FRMD6: variants seen among roughly 807,000 people sequenced by gnomAD.
The protein encoded by FRMD6 is FERM domain-containing protein 6.
FRMD6 carries 37 observed loss-of-function variants against 73.2 expected under a neutral mutation model. That is an observed-to-expected ratio of 0.51 (90% CI 0.39 to 0.66). The LOEUF is 0.66. FRMD6 is among the 30% of genes least tolerant of loss of function. The pLI is 0.00. For missense variants in FRMD6, 714 were observed against 780.5 expected (o/e 0.91, Z 1.02); for synonymous variants, 273 against 282.2 (o/e 0.97, Z 0.33).
chr14:51,490,884 A>G lies in FRMD6; in HGVS notation c.-210+1464A>G, dbSNP rs1298448201. On this transcript the variant is annotated intron_variant, in intron 1 of 14. Coordinates refer to the FRMD6 transcript ENST00000356218. The stretch of plus-strand genomic sequence containing the variant: ...CTGGGCTCAAGCTTCCTTAAAATCC[A>G]GTTCTCCAAGGCCAAGAATAGTGAG... Among the ~76,000 whole-genome samples, 5 of 152,270 alleles carry G rather than the reference A, an allele frequency of 3.3e-5. No individual in the cohort carries two copies. The South Asian group carries it at 1.0e-3, about 32-fold the overall frequency.
At chr14:51,646,871 A>G (rs572961413) in intron 2 of FRMD6, among the ~76,000 whole-genome samples, 1 of 151,988 alleles carries the variant, frequency 6.6e-6, no homozygotes, top group African/African-American at 2.4e-5. Context: ...TATGCCTTTC[A>G]ACTCCAAGAC....
chr14:51,487,356 G>A (rs1027596555), upstream of FRMD6, among the ~76,000 whole-genome samples: 2 of 152,148 alleles, frequency 1.3e-5, no homozygotes, highest in African/African-American at 4.8e-5. Flanking sequence ...ACAAATTATA[G>A]GTACTGGAAA....
intron 2 of FRMD6, among the ~76,000 whole-genome samples, chr14:51,600,813 G>T (rs1201532213): frequency 6.6e-6 from 1 of 152,184 alleles, no homozygotes; most frequent in Non-Finnish European, 1.5e-5. Context: ...ATCAAACCCT[G>T]GCCATTGCCA....
At chr14:51,473,095 A>G in the FRMD6 span, among the ~76,000 whole-genome samples, 3 of 152,232 alleles carry the variant, frequency 2.0e-5, no homozygotes, top group South Asian at 4.1e-4. Context: ...AGCACTGGGA[A>G]TAAAGTGAGA....
chr14:51,426,302 C>G, the FRMD6 span, among the ~76,000 whole-genome samples: 39,050 of 151,958 alleles, frequency 0.26, 5,633 homozygotes, highest in Non-Finnish European at 0.32. Flanking sequence ...CACCTAGTCA[C>G]GTGGTGTCTC....
At chr14:51,527,440 C>G (rs935645985) in intron 1 of FRMD6, among the ~76,000 whole-genome samples, 1 of 152,106 alleles carries the variant, frequency 6.6e-6, no homozygotes, top group African/African-American at 2.4e-5. Flanking sequence ...TACCATTAGG[C>G]AAGTTAGTAA....
intron 2 of FRMD6, among the ~76,000 whole-genome samples, chr14:51,631,910 A>G (rs1891352254): frequency 6.6e-6 from 1 of 152,256 alleles, no homozygotes; most frequent in Admixed American, 6.5e-5. Flanking sequence ...CAGTAATAAC[A>G]TTAGCATAGA....
chr14:51,632,431 A>G (rs902882966), intron 2 of FRMD6, among the ~76,000 whole-genome samples: 1 of 152,236 alleles, frequency 6.6e-6, no homozygotes, highest in Admixed American at 6.5e-5. Flanking sequence ...TTAATACAGT[A>G]TATTCAATGT....
At chr14:51,409,610 AT>A in the FRMD6 span, among the ~76,000 whole-genome samples, 1 of 152,000 alleles carries the variant, frequency 6.6e-6, no homozygotes, top group East Asian at 1.9e-4. Flanking sequence ...TATTGTTATT[AT>A]TTTTTGACAC....
At chr14:51,701,228 A>T (rs907052679) in intron 4 of FRMD6, 69 bp downstream of exon 4, 3 of 864,234 alleles carry the variant, frequency 3.5e-6, no homozygotes, top group African/African-American at 1.7e-5. Context: ...GCTGTTATAC[A>T]TTAGAAGAAA....
chr14:51,632,456 CA>C (rs1159683857), intron 2 of FRMD6, among the ~76,000 whole-genome samples: 1 of 152,124 alleles, frequency 6.6e-6, no homozygotes, highest in African/African-American at 2.4e-5. Flanking sequence ...TATGAGCCTC[CA>C]AAAGAGAGAT....
At chr14:51,591,784 A>G (rs773391837) in intron 2 of FRMD6, among the ~76,000 whole-genome samples, 1 of 151,836 alleles carries the variant, frequency 6.6e-6, no homozygotes, top group Non-Finnish European at 1.5e-5. Flanking sequence ...TTCGTGATCC[A>G]CCCTCCTTGG....
chr14:51,619,380 G>GA (rs796364037), intron 2 of FRMD6, among the ~76,000 whole-genome samples: 582 of 124,612 alleles, frequency 4.7e-3, no homozygotes, highest in African/African-American at 1.0e-2. Context: ...GGAGGATAAA[G>GA]AAAAAAAAAA....
intron 1 of FRMD6, among the ~76,000 whole-genome samples, chr14:51,538,505 T>C (rs912594871): frequency 6.6e-5 from 10 of 152,342 alleles, no homozygotes; most frequent in African/African-American, 2.4e-4. Flanking sequence ...ACTCCTGTTT[T>C]CTTCTGAAAG....
At chr14:51,487,895 A>T (rs938281930), upstream of FRMD6, among the ~76,000 whole-genome samples, 1 of 152,236 alleles carries the variant, frequency 6.6e-6, no homozygotes, top group Non-Finnish European at 1.5e-5. Flanking sequence ...AATTCATATT[A>T]GCTGGAATTT....
At chr14:51,541,454 A>G (rs887102112) in intron 1 of FRMD6, among the ~76,000 whole-genome samples, 4 of 152,092 alleles carry the variant, frequency 2.6e-5, no homozygotes, top group African/African-American at 9.7e-5. Context: ...TATTTTCCCT[A>G]TAGTAAAATG....
chr14:51,596,244 G>A (rs1298899593), intron 2 of FRMD6, among the ~76,000 whole-genome samples: 1 of 117,814 alleles, frequency 8.5e-6, no homozygotes, highest in African/African-American at 3.2e-5. Flanking sequence ...CAAGAGGAGA[G>A]CCTGGTGTGT....
upstream of FRMD6, among the ~76,000 whole-genome samples, chr14:51,647,329 G>A (rs1892122192): frequency 1.3e-5 from 2 of 152,014 alleles, no homozygotes; most frequent in Admixed American, 1.3e-4. Flanking sequence ...CCTGGTTAGG[G>A]GCTCCCGGTG....
intron 2 of FRMD6, among the ~76,000 whole-genome samples, chr14:51,612,190 A>T (rs1170432258): frequency 5.9e-5 from 9 of 152,206 alleles, no homozygotes; most frequent in Non-Finnish European, 1.5e-5. Flanking sequence ...TTTTATGTTT[A>T]TATCCATCCT....
Sources: allele counts gnomAD v4.1 joint callset (sites outside exome capture counted in the v4.1 genomes callset), GRCh38; gene constraint gnomAD v4.1.1; transcripts MANE v1.5; gene names NCBI Gene and HGNC (gene_info 2026-07-23, HGNC 2026-07-21).